SYNE1: variants seen among roughly 807,000 people sequenced by gnomAD.
The protein encoded by SYNE1 is nesprin-1.
SYNE1 carries 616 observed loss-of-function variants against 1,111.0 expected under a neutral mutation model. The ratio of observed to expected loss-of-function variants is 0.55; its 90% CI spans 0.52 to 0.59. The LOEUF is 0.59. SYNE1 is among the 20% of genes least tolerant of loss of function. The pLI, the probability that SYNE1 is intolerant of heterozygous loss-of-function variation, is 0.00. For missense variants in SYNE1, 10,006 were observed against 10,417.0 expected, an observed-to-expected ratio of 0.96 and a Z score of 1.72; for synonymous variants, 3,855 against 3,825.8, an observed-to-expected ratio of 1.01 and a Z score of -0.28.
Position 152,331,023 on chromosome 6 carries a change from T to C in SYNE1, c.13662A>G (p.Leu4554=). The C allele has an allele frequency of 6.2e-7, 1 of 1,614,180 alleles. No homozygotes were observed. ...AAACCAAATTCTTCTCTAGTTCTTG[T>C]AACCGGTGACTGCACTTTTGTAAAA... is the stretch of plus-strand genomic sequence containing the variant. ...DSVLQKCSHR[L]QELEKNLVSR... Residue 4554 remains leucine, a synonymous_variant, in exon 78 of 146, where the codon TTA becomes TTG. Transcript: ENST00000367255.
At chr6:152,630,030 C>T (rs904308133) in intron 2 of SYNE1, among the ~76,000 whole-genome samples, 2 of 151,554 alleles carry the variant, frequency 1.3e-5, no homozygotes, top group Non-Finnish European at 1.5e-5. Flanking sequence ...TTATGAATTA[C>T]AATTTATTTT....
chr6:152,161,079 C>A (rs117660426), intron 131 of SYNE1, among the ~76,000 whole-genome samples: 1 of 149,834 alleles, frequency 6.7e-6, no homozygotes, highest in Non-Finnish European at 1.5e-5. Flanking sequence ...AACAATAATG[C>A]GAGAGTTTCA....
chr6:152,451,785 C>T (rs1054302784), intron 25 of SYNE1, among the ~76,000 whole-genome samples: 4 of 151,960 alleles, frequency 2.6e-5, no homozygotes, highest in Admixed American at 1.3e-4. Flanking sequence ...CTGGCCAGTG[C>T]TGCACAGTAT....
chr6:152,409,591 C>A lies in SYNE1; in HGVS notation c.6349G>T (p.Asp2117Tyr), dbSNP rs200640405. The part of the protein sequence containing the change: ...SVIVTRTTIK[D>Y]QEDLKWAFSK... ...AAAGCCCATTTAAGATCCTCCTGAT[C>A]TTTTATGGTAGTTCTGGTTACAATC... Residue 2117 changes from aspartate to tyrosine, a missense_variant, in exon 43 of 146, where the codon GAT (aspartate) becomes TAT (tyrosine). Physicochemically the swap from Asp to Tyr is radical, Grantham distance 160. Coordinates refer to ENST00000367255, the MANE Select transcript of SYNE1 (RefSeq NM_182961.4). 1 of 1,613,836 alleles carries A rather than the reference C, an allele frequency of 6.2e-7. No homozygotes were observed. The highest frequency in any genetic ancestry group is 1.7e-5 in the Admixed American group (1 of 60,018).
At chr6:152,202,344 C>A (rs2153370550) in intron 126 of SYNE1, among the ~76,000 whole-genome samples, 2 of 55,096 alleles carry the variant, frequency 3.6e-5, no homozygotes, top group South Asian at 6.8e-4. Context: ...GAGACTCTGT[C>A]TCAAAAAAAA....
At chr6:152,479,275 A>T (rs1474248691) in intron 14 of SYNE1, among the ~76,000 whole-genome samples, 1 of 152,132 alleles carries the variant, frequency 6.6e-6, no homozygotes, top group Non-Finnish European at 1.5e-5. Context: ...TATGACATGC[A>T]TTGTCATCCA....
chr6:152,284,105 T>C lies in SYNE1; in HGVS notation c.18080A>G (p.Glu6027Gly), dbSNP rs780920250. The change falls in exon 96 of 146, where the codon GAG (glutamate) becomes GGG (glycine). Residue 6027 changes from glutamate to glycine, a missense_variant. Glu to Gly is a moderately conservative substitution (Grantham distance 98). Around this residue, in one of 7 missense-constraint regions of SYNE1, gnomAD observed 4,955 missense variants for 5,017.2 expected, o/e 0.99. Coordinates refer to ENST00000367255, the MANE Select transcript of SYNE1 (RefSeq NM_182961.4). ...INELQSSLAE[E>G]LVSESCEADP... ...GGCCTCACAAGACTCGGATACCAGC[T>C]CCTCTGCGAGAGAGGACTGGAGCTC... 1 of 1,614,104 alleles carries C rather than the reference T, an allele frequency of 6.2e-7. No homozygotes were observed. The highest frequency in any genetic ancestry group is 1.7e-5 in the Admixed American group (1 of 60,014).
At chr6:152,254,569 G>T (rs7763242) in intron 104 of SYNE1, among the ~76,000 whole-genome samples, 88,410 of 151,888 alleles carry the variant, frequency 0.58, 26,110 homozygotes, top group East Asian at 0.74. Flanking sequence ...ATATTCTTTC[G>T]CAATGTGTTT....
chr6:152,204,802 CAACA>C (rs1486124577), intron 126 of SYNE1, among the ~76,000 whole-genome samples: 1 of 152,012 alleles, frequency 6.6e-6, no homozygotes, highest in Non-Finnish European at 1.5e-5. Context: ...TTTTCTACAC[CAACA>C]AACAGACAGA....
At chr6:152,217,257 G>C (rs554742142) in intron 121 of SYNE1, among the ~76,000 whole-genome samples, 3 of 150,458 alleles carry the variant, frequency 2.0e-5, no homozygotes, top group South Asian at 2.1e-4. Flanking sequence ...TTAGCCAGGC[G>C]TGGTGGACAG....
At chr6:152,429,236 A>G (rs1475467109) in intron 36 of SYNE1, among the ~76,000 whole-genome samples, 1 of 152,042 alleles carries the variant, frequency 6.6e-6, no homozygotes, top group Non-Finnish European at 1.5e-5. Context: ...CATTTTACAG[A>G]TTAGGAAATC....
At chr6:152,183,827 G>T (rs1228935217) in intron 128 of SYNE1, among the ~76,000 whole-genome samples, 1 of 152,030 alleles carries the variant, frequency 6.6e-6, no homozygotes, top group African/African-American at 2.4e-5. Flanking sequence ...GACAAATTTG[G>T]GGCACTTGTT....
rs2059879872 is a variant in SYNE1, at chr6:152,148,453, T to G, written c.24643-75A>C. 25 of 1,379,180 alleles carry G rather than the reference T, an allele frequency of 1.8e-5. No homozygotes were observed. Among genetic ancestry groups the G allele is most frequent in the Non-Finnish European group, 2.3e-5 (23 of 991,072 alleles). 85.4% of individuals were successfully genotyped at this position (1,379,180 alleles called of 1,614,324 possible). ...TCTTATCTGGGCCACCTGCCTACCA[T>G]GTGGGGACAATTTTTAACTTCTTAT... On this transcript the variant is annotated intron_variant, in intron 136 of 145. Transcript: ENST00000367255. The surrounding 1 kb of genome is among the most constrained non-coding windows in gnomAD (Gnocchi z 4.1).
chr6:152,278,037 A>T, intron 98 of SYNE1, 52 bp downstream of exon 98: 1 of 1,599,494 alleles, frequency 6.3e-7, no homozygotes, highest in Non-Finnish European at 8.6e-7. Context: ...TAGAAGGAGC[A>T]CGTGAACAGT....
intron 77 of SYNE1, among the ~76,000 whole-genome samples, chr6:152,333,644 T>C (rs2096303044): frequency 1.3e-5 from 2 of 152,120 alleles, no homozygotes; most frequent in South Asian, 4.1e-4. Flanking sequence ...TTTTATTTTA[T>C]TTTTTTGAGA....
At chr6:152,143,069 A>G (rs921721147) in intron 138 of SYNE1, among the ~76,000 whole-genome samples, 15 of 152,216 alleles carry the variant, frequency 9.9e-5, no homozygotes, top group African/African-American at 3.6e-4. Context: ...TTTATCATAC[A>G]TAGCCAATAG....
Position 152,325,193 on chromosome 6 carries a change from C to G in SYNE1, c.15548G>C (p.Arg5183Thr). The change falls in exon 81 of 146, where the codon AGG (arginine) becomes ACG (threonine). Residue 5183 changes from arginine (R) to threonine (T), a missense_variant. Transcript: ENST00000367255. Reference protein sequence around the residue: ...GNDASKATLSRSMTTVWQRWT... With the variant: ...GNDASKATLSTSMTTVWQRWT... Reference sequence around the variant, plus strand: ...GCGCTGCCAGACGGTGGTCATTGACCTGCTCAGGGTGGCTTTGCTGGCATC... The same window carrying G: ...GCGCTGCCAGACGGTGGTCATTGACGTGCTCAGGGTGGCTTTGCTGGCATC... The G allele has an allele frequency of 1.2e-6, 2 of 1,614,156 alleles. No homozygotes were observed. The highest frequency in any genetic ancestry group is 1.7e-6 in the Non-Finnish European group (2 of 1,180,050).
Position 152,344,177 on chromosome 6 carries a change from G to A in SYNE1, c.12129C>T (p.Asp4043=), listed in dbSNP as rs2154019065. Residue 4043 remains aspartate, a synonymous_variant, in exon 74 of 146, where the codon GAC becomes GAT. Coordinates refer to ENST00000367255, the MANE Select transcript of SYNE1 (RefSeq NM_182961.4). The part of the protein sequence containing the change: ...HELQKHVSRQ[D]TLQQCQAWLS... ...GCCAGGCCTGGCACTGCTGCAGGGT[G>A]TCTTGTCGGCTGACGTGCTTCTGAA... 2 of 1,614,230 alleles carry A rather than the reference G, an allele frequency of 1.2e-6. No individual in the cohort carries two copies. Among genetic ancestry groups the A allele is most frequent in the South Asian group, 2.2e-5 (2 of 91,086 alleles).
chr6:152,438,231 A>G (rs1335790347), intron 32 of SYNE1, among the ~76,000 whole-genome samples: 1 of 152,182 alleles, frequency 6.6e-6, no homozygotes, highest in East Asian at 1.9e-4. Context: ...ATTACAAATC[A>G]CCACATGATC....
Sources: allele counts gnomAD v4.1 joint callset (sites outside exome capture counted in the v4.1 genomes callset), GRCh38; gene constraint gnomAD v4.1.1; regional missense constraint gnomAD v4.1.1; non-coding constraint Gnocchi (gnomAD v3.1); transcripts MANE v1.5; gene names NCBI Gene and HGNC (gene_info 2026-07-23, HGNC 2026-07-21).